The following GRID2 variants were observed in gnomAD, a reference collection of about 807,000 sequenced individuals.
The protein encoded by GRID2 is glutamate receptor ionotropic, delta-2.
GRID2 carries 33 observed loss-of-function variants against 114.8 expected under a neutral mutation model. That is an observed-to-expected ratio of 0.29 (90% CI 0.22 to 0.38). The LOEUF (loss-of-function observed/expected upper bound fraction) is 0.38. Among genes scored for constraint, GRID2 ranks in the 10% least tolerant of loss-of-function variants. The pLI, the probability that GRID2 is intolerant of heterozygous loss-of-function variation, is 1.00. For synonymous variants in GRID2, 505 were observed against 449.9 expected (o/e 1.12, Z -1.55); for missense variants, 1,184 against 1,257.7 (o/e 0.94, Z 0.89).
At chr4:93,437,839 C>G (rs1721245349) in intron 10 of GRID2, among the ~76,000 whole-genome samples, 1 of 152,100 alleles carries the variant, frequency 6.6e-6, no homozygotes, top group African/African-American at 2.4e-5. Flanking sequence ...ACTCCCATCT[C>G]TTAGTAATCT....
At chr4:93,738,753 A>G (rs967667728) in intron 14 of GRID2, among the ~76,000 whole-genome samples, 1 of 152,108 alleles carries the variant, frequency 6.6e-6, no homozygotes, top group African/African-American at 2.4e-5. Context: ...TGCTTAGAGA[A>G]GTAATCTGGA....
At chr4:92,951,075 C>T (rs1295983348) in intron 2 of GRID2, among the ~76,000 whole-genome samples, 2 of 152,042 alleles carry the variant, frequency 1.3e-5, no homozygotes, top group Admixed American at 1.3e-4. Flanking sequence ...AGTTTTCTGA[C>T]ATCTTTTTGA....
At chr4:92,852,518 A>G (rs984041348) in intron 2 of GRID2, among the ~76,000 whole-genome samples, 7 of 151,920 alleles carry the variant, frequency 4.6e-5, no homozygotes, top group Non-Finnish European at 7.4e-5. Context: ...CAATTGTCTT[A>G]AAATATGTGT....
intron 1 of GRID2, among the ~76,000 whole-genome samples, chr4:92,587,511 G>T (rs1290799833): frequency 6.6e-6 from 1 of 152,032 alleles, no homozygotes; most frequent in Non-Finnish European, 1.5e-5. Flanking sequence ...ACAAAATACT[G>T]CATGCACTCC....
At chr4:93,530,358 C>A (rs1438900538) in intron 13 of GRID2, among the ~76,000 whole-genome samples, 3 of 152,150 alleles carry the variant, frequency 2.0e-5, no homozygotes, top group Non-Finnish European at 4.4e-5. Flanking sequence ...TTTACTCATT[C>A]ATTACTTAAA....
chr4:92,343,966 A>G (rs962197731), intron 1 of GRID2, among the ~76,000 whole-genome samples: 1 of 152,214 alleles, frequency 6.6e-6, no homozygotes, highest in Admixed American at 6.5e-5. Flanking sequence ...GAAGTGGATC[A>G]TCATAAAGGT....
chr4:93,370,429 GCA>G (rs1325825238), intron 8 of GRID2, among the ~76,000 whole-genome samples: 1 of 134,866 alleles, frequency 7.4e-6, no homozygotes, highest in East Asian at 2.1e-4. Context: ...ACACAAACAC[GCA>G]CACACAGGCA....
chr4:92,434,204 G>A (rs536954545), intron 1 of GRID2, among the ~76,000 whole-genome samples: 16 of 152,250 alleles, frequency 1.1e-4, no homozygotes, highest in African/African-American at 3.4e-4. Flanking sequence ...CCTTTCAGGC[G>A]ATTCCACAGT....
chr4:93,497,233 T>A (rs1727637245), intron 12 of GRID2, among the ~76,000 whole-genome samples: 1 of 151,814 alleles, frequency 6.6e-6, no homozygotes, highest in Admixed American at 6.6e-5. Flanking sequence ...TTGTTTACTA[T>A]TAAGAGTTCT....
chr4:92,934,646 G>T lies in GRID2; in HGVS notation c.245-150349G>T, dbSNP rs1396560416. Among the ~76,000 whole-genome samples, 7 of 146,328 alleles carry T rather than the reference G, an allele frequency of 4.8e-5. 1 individual carries two copies. The highest frequency in any genetic ancestry group is 9.1e-5 in the Non-Finnish European group (6 of 66,226). On this transcript the variant is annotated intron_variant, in intron 2 of 15. Transcript: ENST00000282020. Reference sequence around the variant, plus strand: ...TACCTGACTTCAAACTATACTACAAGGCTACAGTAACCAAAACAGCATGGT... The same window carrying T: ...TACCTGACTTCAAACTATACTACAATGCTACAGTAACCAAAACAGCATGGT...
At chr4:92,418,574 CA>C (rs1451902326) in intron 1 of GRID2, among the ~76,000 whole-genome samples, 1 of 151,876 alleles carries the variant, frequency 6.6e-6, no homozygotes, top group Non-Finnish European at 1.5e-5. Flanking sequence ...GGAGGCAGAT[CA>C]GAGATTTAAA....
chr4:92,487,753 TTTTG>T (rs70940898), intron 1 of GRID2, among the ~76,000 whole-genome samples: 61,852 of 150,982 alleles, frequency 0.41, 13,734 homozygotes, highest in African/African-American at 0.6. Flanking sequence ...GTTGTGGGTT[TTTTG>T]TTTGTTTGTT....
At chr4:93,169,079 T>C (rs544204381) in intron 4 of GRID2, among the ~76,000 whole-genome samples, 71 of 151,838 alleles carry the variant, frequency 4.7e-4, no homozygotes, top group Non-Finnish European at 9.6e-4. Flanking sequence ...AAAAAGAACA[T>C]GTATTCACTC....
intron 1 of GRID2, among the ~76,000 whole-genome samples, chr4:92,569,043 G>A (rs1727484169): frequency 6.6e-6 from 1 of 151,892 alleles, no homozygotes; most frequent in African/African-American, 2.4e-5. Flanking sequence ...GTGTGCCATG[G>A]TGGTTTGGTG....
chr4:92,822,302 C>T (rs971194941), intron 2 of GRID2: 11 of 616,334 alleles, frequency 1.8e-5, no homozygotes, highest in Middle Eastern at 2.9e-4. Context: ...AGCATTGCCT[C>T]CAGAAGCACA....
chr4:93,042,105 G>A (rs1177008336), intron 2 of GRID2, among the ~76,000 whole-genome samples: 3 of 151,812 alleles, frequency 2.0e-5, no homozygotes, highest in East Asian at 2.0e-4. Context: ...GGGTTTCACC[G>A]TGTTAGCCAG....
At chr4:93,081,687 AAAT>A (rs746266478) in intron 2 of GRID2, among the ~76,000 whole-genome samples, 3 of 152,174 alleles carry the variant, frequency 2.0e-5, no homozygotes, top group Non-Finnish European at 2.9e-5. Context: ...ACAAGGCTTG[AAAT>A]AATAATAAAG....
At chr4:93,109,599 C>T (rs1037351202) in intron 3 of GRID2, among the ~76,000 whole-genome samples, 10 of 152,044 alleles carry the variant, frequency 6.6e-5, no homozygotes, top group African/African-American at 2.4e-4. Flanking sequence ...CAGGGAAGCA[C>T]ACACTATTAA....
intron 13 of GRID2, among the ~76,000 whole-genome samples, chr4:93,568,686 T>C (rs1030306084): frequency 5.3e-5 from 8 of 152,224 alleles, no homozygotes; most frequent in Non-Finnish European, 1.2e-4. Flanking sequence ...CATCATTTCA[T>C]TTAATCCTTT....
Sources: gnomAD v4.1 joint callset for allele counts (sites outside exome capture counted in the v4.1 genomes callset) on GRCh38, gnomAD v4.1.1 for gene constraint, MANE v1.5 for transcripts, NCBI Gene and HGNC (gene_info 2026-07-23, HGNC 2026-07-21) for gene names.